RIPK1: variants seen among roughly 807,000 people sequenced by gnomAD.
The protein encoded by RIPK1 is receptor interacting serine/threonine kinase 1.
RIPK1 carries 27 observed loss-of-function variants against 62.4 expected under a neutral mutation model. The observed-to-expected ratio is 0.43, with a 90% CI of 0.32 to 0.60. The LOEUF (loss-of-function observed/expected upper bound fraction) is 0.60. Among genes scored for constraint, RIPK1 ranks in the 20% least tolerant of loss-of-function variants. The pLI, the probability that RIPK1 is intolerant of heterozygous loss-of-function variation, is 0.07. For missense variants in RIPK1, 735 were observed against 831.0 expected, an observed-to-expected ratio of 0.88 and a Z score of 1.42; for synonymous variants, 287 against 303.2, an observed-to-expected ratio of 0.95 and a Z score of 0.55.
upstream of RIPK1, among the ~76,000 whole-genome samples, chr6:3,066,181 G>A (rs765191539): frequency 2.6e-5 from 4 of 152,020 alleles, no homozygotes; most frequent in Admixed American, 6.6e-5. Flanking sequence ...GCACCACCAC[G>A]CCCAGCTAAT....
chr6:3,073,505 C>T (rs1429580041), intron 1 of RIPK1, among the ~76,000 whole-genome samples: 2 of 152,070 alleles, frequency 1.3e-5, no homozygotes, highest in African/African-American at 2.4e-5. Flanking sequence ...TTACCTCACG[C>T]GTGTGCCTCA....
chr6:3,107,188 G>A (rs1760893141), intron 9 of RIPK1, among the ~76,000 whole-genome samples: 1 of 151,406 alleles, frequency 6.6e-6, no homozygotes. Context: ...GGAGACAGAC[G>A]TTGCAGTGAG....
rs151061776 is a variant in RIPK1, at chr6:3,104,883, A to C, written c.1006+568A>C. Among the ~76,000 whole-genome samples the C allele has an allele frequency of 3.7e-3, 565 of 151,996 alleles. 6 individuals carry two copies. Among genetic ancestry groups the C allele is most frequent in the African/African-American group, 0.013 (550 of 41,462 alleles). On this transcript the variant is annotated intron_variant, in intron 8 of 10. Transcript: ENST00000259808. ...GCAGATCTTTTTTTTTTGGAGACAG[A>C]GTCTGTCACCCCGGCTGGAGTGCAG...
chr6:3,064,813 C>T (rs1453354761), upstream of RIPK1, among the ~76,000 whole-genome samples: 1 of 152,042 alleles, frequency 6.6e-6, no homozygotes. Context: ...TTCAGGATGG[C>T]CAGAGGTGGA....
At position 3,076,999 on chromosome 6, in the gene RIPK1, G is replaced by A. The variant is rs767826109; in HGVS notation, c.164+12G>A. ...CCCAACTGCATTGAGTGAGTAGGGA[G>A]CAGGGGTGGGTGGGCTAAGTTCTGA... On this transcript the variant is annotated intron_variant, in intron 2 of 10. Transcript: ENST00000259808. The A allele has an allele frequency of 4.5e-6, 7 of 1,564,628 alleles. No individual in the cohort carries two copies. The East Asian group carries it at 1.6e-4, about 36-fold the overall frequency.
At chr6:3,104,923 C>T in intron 8 of RIPK1, among the ~76,000 whole-genome samples, 1 of 151,990 alleles carries the variant, frequency 6.6e-6, no homozygotes, top group Admixed American at 6.6e-5. Flanking sequence ...GTGATCTTGG[C>T]TCACTACAAC....
chr6:3,087,343 T>G (rs1759751433), intron 6 of RIPK1, among the ~76,000 whole-genome samples: 1 of 152,140 alleles, frequency 6.6e-6, no homozygotes, highest in African/African-American at 2.4e-5. Flanking sequence ...CTTTTCTTTC[T>G]GGAATTCTGA....
chr6:3,070,870 G>C (rs1443918575), intron 1 of RIPK1, among the ~76,000 whole-genome samples: 2 of 152,214 alleles, frequency 1.3e-5, no homozygotes, highest in Non-Finnish European at 2.9e-5. Context: ...GCTATCTAGA[G>C]AAGTAGCATG....
chr6:3,104,199 G>A (rs747405361), intron 7 of RIPK1, 26 bp from the exon 8 acceptor site: 2 of 1,049,692 alleles, frequency 1.9e-6, no homozygotes, highest in South Asian at 1.4e-5. Flanking sequence ...GTTCACTAAA[G>A]TGTGTATTTA....
chr6:3,066,151 G>A (rs946213079), upstream of RIPK1, among the ~76,000 whole-genome samples: 3 of 152,172 alleles, frequency 2.0e-5, no homozygotes, highest in Non-Finnish European at 2.9e-5. Context: ...AGCCTCCTGA[G>A]TAGCTGGGTC....
chr6:3,111,580 G>A (rs79373551), intron 10 of RIPK1, among the ~76,000 whole-genome samples: 3,081 of 151,602 alleles, frequency 0.02, 66 homozygotes, highest in East Asian at 0.071. Flanking sequence ...AGGTCTCTTG[G>A]AACTACTCAC....
At chr6:3,066,407 A>T (rs1758383023), upstream of RIPK1, among the ~76,000 whole-genome samples, 1 of 152,120 alleles carries the variant, frequency 6.6e-6, no homozygotes, top group Non-Finnish European at 1.5e-5. Context: ...TACTGAAGGA[A>T]TGAATTCCTT....
At chr6:3,067,597 G>GTT (rs1561739065), upstream of RIPK1, among the ~76,000 whole-genome samples, 2 of 110,056 alleles carry the variant, frequency 1.8e-5, no homozygotes, top group Non-Finnish European at 4.5e-5. Flanking sequence ...ATTTTAAGAG[G>GTT]GTTTTTTTTG....
intron 1 of RIPK1, among the ~76,000 whole-genome samples, chr6:3,075,325 A>G (rs954340927): frequency 1.3e-5 from 2 of 152,192 alleles, no homozygotes; most frequent in Non-Finnish European, 2.9e-5. Context: ...GGGAAAATGA[A>G]TGAATGGAAG....
At chr6:3,066,650 C>T (rs1758393380), upstream of RIPK1, among the ~76,000 whole-genome samples, 1 of 152,202 alleles carries the variant, frequency 6.6e-6, no homozygotes. Context: ...ACAGCCTCCC[C>T]TACCATCAAC....
chr6:3,073,230 T>C (rs543750083), intron 1 of RIPK1, among the ~76,000 whole-genome samples: 73 of 133,920 alleles, frequency 5.5e-4, no homozygotes, highest in African/African-American at 1.9e-3. Context: ...TATACACACA[T>C]ATACATTTTT....
At chr6:3,078,784 T>G (rs1759227943) in intron 3 of RIPK1, among the ~76,000 whole-genome samples, 1 of 152,216 alleles carries the variant, frequency 6.6e-6, no homozygotes, top group African/African-American at 2.4e-5. Context: ...TTGAAAACAT[T>G]TTTAAAAGCT....
intron 3 of RIPK1, among the ~76,000 whole-genome samples, chr6:3,079,855 A>G (rs574129897): frequency 6.6e-6 from 1 of 152,358 alleles, no homozygotes; most frequent in South Asian, 2.1e-4. Context: ...CCATCCAAGT[A>G]CTAACCAGGC....
At chr6:3,100,726 G>A (rs1760550940) in intron 7 of RIPK1, among the ~76,000 whole-genome samples, 2 of 115,800 alleles carry the variant, frequency 1.7e-5, no homozygotes, top group East Asian at 2.0e-4. Context: ...GAGTAGCTGG[G>A]ATTACAGGCG....
Sources: gnomAD v4.1 joint callset for allele counts (sites outside exome capture counted in the v4.1 genomes callset) on GRCh38, gnomAD v4.1.1 for gene constraint, MANE v1.5 for transcripts, NCBI Gene and HGNC (gene_info 2026-07-23, HGNC 2026-07-21) for gene names.